ST3GAL3: variants seen among roughly 807,000 people sequenced by gnomAD.
ST3GAL3 encodes ST3 beta-galactoside alpha-2,3-sialyltransferase 3.
Under a neutral mutation model 50.1 loss-of-function variants are expected in ST3GAL3, and 21 were observed. The ratio of observed to expected loss-of-function variants is 0.42; its 90% CI spans 0.30 to 0.60. The LOEUF (loss-of-function observed/expected upper bound fraction) is 0.60. Among genes scored for constraint, ST3GAL3 ranks in the 20% least tolerant of loss-of-function variants. ST3GAL3 has a pLI of 0.19. For synonymous variants in ST3GAL3, 183 were observed against 190.0 expected, an observed-to-expected ratio of 0.96 and a Z score of 0.30; for missense variants, 353 against 489.4, an observed-to-expected ratio of 0.72 and a Z score of 2.63.
intron 3 of ST3GAL3, among the ~76,000 whole-genome samples, chr1:43,805,506 T>C (rs2059768009): frequency 1.3e-5 from 2 of 152,234 alleles, no homozygotes; most frequent in Admixed American, 6.5e-5. Flanking sequence ...GCATTTAGGC[T>C]AACAAGTTAG....
intron 3 of ST3GAL3, among the ~76,000 whole-genome samples, chr1:43,807,627 G>A (rs540063038): frequency 1.1e-4 from 17 of 152,242 alleles, no homozygotes; most frequent in African/African-American, 3.9e-4. Context: ...TTAGACAGGG[G>A]CAGGGAGACC....
chr1:43,846,638 A>G (rs2066301051), intron 5 of ST3GAL3, among the ~76,000 whole-genome samples: 1 of 152,156 alleles, frequency 6.6e-6, no homozygotes, highest in African/African-American at 2.4e-5. Context: ...AGCTGGGACC[A>G]CAAACACATG....
chr1:43,857,539 C>CT (rs2068712623), intron 5 of ST3GAL3, among the ~76,000 whole-genome samples: 1 of 132,086 alleles, frequency 7.6e-6, no homozygotes, highest in Non-Finnish European at 1.6e-5. Context: ...CCTTCCCTCC[C>CT]TCCCTCCCTT....
chr1:43,776,933 T>G (rs1697472042), intron 2 of ST3GAL3, among the ~76,000 whole-genome samples: 2 of 152,178 alleles, frequency 1.3e-5, no homozygotes, highest in African/African-American at 2.4e-5. Flanking sequence ...CTAAGTAATC[T>G]CTTGAGAATG....
chr1:43,783,667 A>G (rs1404490670), intron 2 of ST3GAL3, among the ~76,000 whole-genome samples: 1 of 152,144 alleles, frequency 6.6e-6, no homozygotes, highest in Non-Finnish European at 1.5e-5. Flanking sequence ...GCACATGCCT[A>G]GTTCCATATT....
intron 2 of ST3GAL3, among the ~76,000 whole-genome samples, chr1:43,786,826 CT>C (rs1331768588): frequency 6.6e-6 from 1 of 152,110 alleles, no homozygotes; most frequent in Admixed American, 6.5e-5. Context: ...ACGGCTGTGT[CT>C]TGTGTTTAGC....
At chr1:43,803,091 A>G (rs1354008559) in intron 3 of ST3GAL3, among the ~76,000 whole-genome samples, 1 of 152,024 alleles carries the variant, frequency 6.6e-6, no homozygotes, top group East Asian at 1.9e-4. Context: ...ACACCTGGCT[A>G]ATTTTTGTAT....
At chr1:43,759,351 G>A (rs568014211) in intron 2 of ST3GAL3, among the ~76,000 whole-genome samples, 1 of 152,276 alleles carries the variant, frequency 6.6e-6, no homozygotes, top group South Asian at 2.1e-4. Context: ...GGCTAAGGTG[G>A]GAGAATCGCT....
chr1:43,916,850 C>CA (rs2081898063), intron 9 of ST3GAL3: 1 of 152,160 alleles, frequency 6.6e-6, no homozygotes, highest in South Asian at 2.1e-4. Flanking sequence ...GCTAGGATTA[C>CA]AGGCATGAGC....
Position 43,920,365 on chromosome 1 carries a change from T to G in ST3GAL3, c.745-39T>G, listed in dbSNP as rs749985559. 13 of 1,613,852 alleles carry G rather than the reference T, an allele frequency of 8.1e-6. 1 individual carries two copies. In the South Asian group the frequency reaches 1.4e-4, roughly 18 times the overall value. ...CCACTCCCCTAGGCTCATCCCTTGC[T>G]GTGTGCCTCGTTGAGGCCCGCTTTT... On this transcript the variant is annotated intron_variant, in intron 9 of 11. Coordinates refer to ENST00000347631, the MANE Select transcript of ST3GAL3 (RefSeq NM_006279.5).
At chr1:43,900,461 C>T (rs919351874) in intron 9 of ST3GAL3, among the ~76,000 whole-genome samples, 10 of 152,200 alleles carry the variant, frequency 6.6e-5, no homozygotes, top group Admixed American at 1.3e-4. Flanking sequence ...AGTTCCCTCC[C>T]GAGACCTCTA....
intron 5 of ST3GAL3, chr1:43,840,172 G>T (rs886085326): frequency 6.6e-6 from 1 of 151,890 alleles, no homozygotes; most frequent in Admixed American, 6.6e-5. Context: ...GACTCCAGGC[G>T]CATGCAACCA....
intron 4 of ST3GAL3, among the ~76,000 whole-genome samples, chr1:43,817,404 CCTT>C (rs902161113): frequency 1.1e-4 from 5 of 44,610 alleles, no homozygotes; most frequent in African/African-American, 8.5e-4. Context: ...TCCTTTTTCT[CCTT>C]CTTCTCCTCC....
chr1:43,840,327 G>A (rs1404212118), intron 5 of ST3GAL3: 4 of 152,070 alleles, frequency 2.6e-5, no homozygotes, highest in Non-Finnish European at 4.4e-5. Context: ...GAGCCTGTCT[G>A]GGGATTACCT....
At chr1:43,832,960 G>T (rs1325464416) in intron 4 of ST3GAL3, among the ~76,000 whole-genome samples, 1 of 152,206 alleles carries the variant, frequency 6.6e-6, no homozygotes, top group Non-Finnish European at 1.5e-5. Context: ...CACTGGCTTT[G>T]ATTAAGCTGC....
At chr1:43,817,767 T>TCTTTCTCTTCTCCTCCTC (rs762607383) in intron 4 of ST3GAL3, among the ~76,000 whole-genome samples, 1 of 7,482 alleles carries the variant, frequency 1.3e-4, no homozygotes, top group African/African-American at 4.0e-4. Flanking sequence ...TTCTTCCTCT[T>TCTTTCTCTTCTCCTCCTC]CTTCTTCTCC....
intron 6 of ST3GAL3, among the ~76,000 whole-genome samples, chr1:43,896,268 T>C (rs1325119323): frequency 6.6e-6 from 1 of 151,846 alleles, no homozygotes; most frequent in African/African-American, 2.4e-5. Context: ...GGGATACTTC[T>C]CAGTCCTTAA....
intron 3 of ST3GAL3, among the ~76,000 whole-genome samples, chr1:43,793,080 T>G (rs1193771125): frequency 6.6e-6 from 1 of 151,886 alleles, no homozygotes; most frequent in Non-Finnish European, 1.5e-5. Flanking sequence ...TGTAGTAGAG[T>G]GGACAAGAGG....
chr1:43,906,071 C>G (rs2079534966), intron 9 of ST3GAL3, among the ~76,000 whole-genome samples: 1 of 109,846 alleles, frequency 9.1e-6, no homozygotes, highest in Non-Finnish European at 1.9e-5. Flanking sequence ...CTTCCTGCCA[C>G]TTTTCCTCCC....
Sources: allele counts gnomAD v4.1 joint callset (sites outside exome capture counted in the v4.1 genomes callset), GRCh38; gene constraint gnomAD v4.1.1; transcripts MANE v1.5; gene names NCBI Gene and HGNC (gene_info 2026-07-23, HGNC 2026-07-21).